The following CNTN1 variants were observed in gnomAD, a reference collection of about 807,000 sequenced individuals.
The protein encoded by CNTN1 is contactin-1.
Under a neutral mutation model 126.4 loss-of-function variants are expected in CNTN1, and 38 were observed. The observed-to-expected ratio is 0.30, with a 90% CI of 0.23 to 0.39. The LOEUF is 0.39. Among genes scored for constraint, CNTN1 ranks in the 10% least tolerant of loss-of-function variants. CNTN1 has a pLI of 1.00. For missense variants in CNTN1, 1,009 were observed against 1,248.4 expected (o/e 0.81, Z 2.89); for synonymous variants, 413 against 422.6 (o/e 0.98, Z 0.28).
chr12:40,710,001 G>T (rs111909645), intron 1 of CNTN1, among the ~76,000 whole-genome samples: 1 of 152,032 alleles, frequency 6.6e-6, no homozygotes, highest in Non-Finnish European at 1.5e-5. Flanking sequence ...TTCGCCAGGA[G>T]CCCCAGGTTT....
intron 1 of CNTN1, among the ~76,000 whole-genome samples, chr12:40,743,999 C>T (rs1171741271): frequency 1.3e-5 from 2 of 151,866 alleles, no homozygotes; most frequent in Non-Finnish European, 2.9e-5. Flanking sequence ...ATGGATGGAG[C>T]CAGAAGCCAT....
intron 11 of CNTN1, among the ~76,000 whole-genome samples, chr12:40,939,054 G>C (rs1366886355): frequency 6.6e-6 from 1 of 152,144 alleles, no homozygotes; most frequent in Non-Finnish European, 1.5e-5. Context: ...GATTATAGGT[G>C]TGAGCCACCC....
At chr12:40,708,909 T>G (rs1475966693) in intron 1 of CNTN1, among the ~76,000 whole-genome samples, 1 of 152,232 alleles carries the variant, frequency 6.6e-6, no homozygotes, top group African/African-American at 2.4e-5. Flanking sequence ...TTGCATTTAT[T>G]TTCTCCACTG....
At chr12:40,969,871 T>C (rs1418322022) in intron 15 of CNTN1, among the ~76,000 whole-genome samples, 1 of 152,142 alleles carries the variant, frequency 6.6e-6, no homozygotes, top group Non-Finnish European at 1.5e-5. Flanking sequence ...ATCTTATTAG[T>C]AGCAAATTAC....
At chr12:40,738,525 A>G (rs1268773194) in intron 1 of CNTN1, among the ~76,000 whole-genome samples, 2 of 152,206 alleles carry the variant, frequency 1.3e-5, no homozygotes, top group Non-Finnish European at 2.9e-5. Flanking sequence ...GACAAAGGAC[A>G]TCATTAAATA....
intron 1 of CNTN1, among the ~76,000 whole-genome samples, chr12:40,876,224 A>G (rs967156127): frequency 6.6e-6 from 1 of 151,988 alleles, no homozygotes; most frequent in Non-Finnish European, 1.5e-5. Context: ...GTATGCAACC[A>G]TCTCACTAGC....
At chr12:40,985,238 G>C (rs1355202650) in intron 16 of CNTN1, among the ~76,000 whole-genome samples, 1 of 151,924 alleles carries the variant, frequency 6.6e-6, no homozygotes. Flanking sequence ...TTTTTAGGCT[G>C]AGAAGATTGT....
Position 40,785,108 on chromosome 12 carries a change from T to G in CNTN1, c.-77+92516T>G, listed in dbSNP as rs532855181. On this transcript the variant is annotated intron_variant, in intron 1 of 23. Transcript: ENST00000551295. ...ACAGGAGATCTAGACTTACAAAGAT[T>G]TCAGATATTGGAAGTATCAGACACA... 5.1e-4 allele frequency among the ~76,000 whole-genome samples: 77 copies of G among 152,228 alleles called. 1 individual carries two copies. The South Asian group carries it at 0.015, about 30-fold the overall frequency.
chr12:40,835,902 G>T (rs1339591159), intron 1 of CNTN1, among the ~76,000 whole-genome samples: 1 of 150,882 alleles, frequency 6.6e-6, no homozygotes, highest in Non-Finnish European at 1.5e-5. Context: ...CAGGCACTAG[G>T]CCAGACACTG....
chr12:40,749,391 G>A (rs1938306769), intron 1 of CNTN1, among the ~76,000 whole-genome samples: 1 of 151,978 alleles, frequency 6.6e-6, no homozygotes, highest in Non-Finnish European at 1.5e-5. Context: ...CTTATGCTTA[G>A]TCCTGCACAG....
intron 22 of CNTN1, 59 bp downstream of exon 22, chr12:41,028,028 GA>G (rs1949071477): frequency 8.2e-7 from 1 of 1,223,400 alleles, no homozygotes; most frequent in Non-Finnish European, 1.2e-6. Flanking sequence ...TGAAACCCAA[GA>G]TGGGTTTCTT....
At chr12:40,786,145 T>C (rs1249256874) in intron 1 of CNTN1, among the ~76,000 whole-genome samples, 3 of 152,170 alleles carry the variant, frequency 2.0e-5, no homozygotes, top group Non-Finnish European at 2.9e-5. Context: ...CTTGAGACTC[T>C]ATGGGAAAAT....
At chr12:40,944,306 G>A in intron 14 of CNTN1, 136 bp downstream of exon 14, 2 of 769,208 alleles carry the variant, frequency 2.6e-6, no homozygotes, top group Admixed American at 2.2e-5. Flanking sequence ...AAAGCTTTCT[G>A]TGGTTCTCCT....
chr12:40,813,164 C>T (rs1280956297), intron 1 of CNTN1, among the ~76,000 whole-genome samples: 3 of 142,682 alleles, frequency 2.1e-5, no homozygotes, highest in African/African-American at 7.8e-5. Flanking sequence ...CCCCTCCTTT[C>T]TTTTCATTTT....
intron 17 of CNTN1, among the ~76,000 whole-genome samples, chr12:40,998,856 A>C (rs1286829432): frequency 6.6e-6 from 1 of 152,170 alleles, no homozygotes; most frequent in East Asian, 1.9e-4. Context: ...TAAAGTAAAA[A>C]GTTACATTCA....
intron 1 of CNTN1, among the ~76,000 whole-genome samples, chr12:40,707,311 C>A (rs1194939858): frequency 8.9e-5 from 12 of 134,876 alleles, no homozygotes; most frequent in Non-Finnish European, 1.4e-4. Flanking sequence ...TGCAGTGGTG[C>A]AATCTCAGCT....
At chr12:40,841,079 CCTAA>C (rs1456588622) in intron 1 of CNTN1, among the ~76,000 whole-genome samples, 3 of 151,358 alleles carry the variant, frequency 2.0e-5, no homozygotes, top group Non-Finnish European at 3.0e-5. Context: ...AGCAGAAAGA[CCTAA>C]ATAAACAAAC....
At chr12:40,707,221 CTTTTTCTTTTTTTTTTTT>C (rs1941781429) in intron 1 of CNTN1, among the ~76,000 whole-genome samples, 5 of 119,482 alleles carry the variant, frequency 4.2e-5, no homozygotes, top group Admixed American at 8.4e-5. Context: ...CATTTCTTTT[CTTTTTCTTTTTTTTTTTT>C]TTTTTTTTTT....
At chr12:41,067,582 A>C (rs1248870232) in intron 23 of CNTN1, among the ~76,000 whole-genome samples, 1 of 133,050 alleles carries the variant, frequency 7.5e-6, no homozygotes, top group Non-Finnish European at 1.6e-5. Context: ...TCACATGGAC[A>C]CAGGAAGGGG....
Sources: allele counts gnomAD v4.1 joint callset (sites outside exome capture counted in the v4.1 genomes callset), GRCh38; gene constraint gnomAD v4.1.1; transcripts MANE v1.5; gene names NCBI Gene and HGNC (gene_info 2026-07-23, HGNC 2026-07-21).